INPP4A: variants seen among roughly 807,000 people sequenced by gnomAD.
INPP4A encodes inositol polyphosphate-4-phosphatase, type I, 107kD.
INPP4A carries 33 observed loss-of-function variants against 119.8 expected under a neutral mutation model. The ratio of observed to expected loss-of-function variants is 0.28; its 90% CI spans 0.21 to 0.37. INPP4A has a LOEUF of 0.37. INPP4A is among the 10% of genes least tolerant of loss of function. The pLI is 1.00. For missense variants in INPP4A, 956 were observed against 1,289.9 expected (o/e 0.74, Z 3.97); for synonymous variants, 496 against 500.7 (o/e 0.99, Z 0.12).
chr2:98,558,389 A>G (rs922721772), intron 16 of INPP4A, among the ~76,000 whole-genome samples: 9 of 152,206 alleles, frequency 5.9e-5, no homozygotes, highest in African/African-American at 9.6e-5. Context: ...CCACAGTTCT[A>G]TATCACTGTG....
intron 23 of INPP4A, among the ~76,000 whole-genome samples, chr2:98,573,971 G>T (rs557812713): frequency 6.6e-6 from 1 of 152,176 alleles, no homozygotes; most frequent in Non-Finnish European, 1.5e-5. Flanking sequence ...TGTGGGAAGC[G>T]TGGGGTGGAT....
chr2:98,564,602 CACCTGACCCTGA>C, intron 18 of INPP4A, 26 bp from the exon 19 acceptor site: 1 of 1,611,332 alleles, frequency 6.2e-7, no homozygotes, highest in African/African-American at 1.3e-5. Context: ...GGTGAGCAGG[CACCTGACCCTGA>C]ACCTCTTCAC....
chr2:98,555,933 A>G, intron 16 of INPP4A, 125 bp downstream of exon 16: 2 of 1,203,496 alleles, frequency 1.7e-6, no homozygotes, highest in Non-Finnish European at 2.3e-6. Flanking sequence ...TGCCAGGTGG[A>G]GCGGGGGCGT....
chr2:98,531,710 A>G (rs1689259343), intron 4 of INPP4A, among the ~76,000 whole-genome samples: 1 of 152,236 alleles, frequency 6.6e-6, no homozygotes. Context: ...CTTAGAGAAA[A>G]TGACTACTTA....
chr2:98,565,956 C>A, intron 20 of INPP4A, 73 bp from the exon 21 acceptor site: 4 of 1,537,220 alleles, frequency 2.6e-6, no homozygotes, highest in Non-Finnish European at 3.5e-6. Flanking sequence ...GCCAGAGGGC[C>A]AGCCTGGGCA....
chr2:98,448,693 T>G (rs1316995661), intron 1 of INPP4A, among the ~76,000 whole-genome samples: 4 of 147,110 alleles, frequency 2.7e-5, no homozygotes, highest in Non-Finnish European at 6.0e-5. Context: ...TAGTCTTCTT[T>G]TCTCTCTCTC....
intron 13 of INPP4A, among the ~76,000 whole-genome samples, chr2:98,547,521 G>A (rs993723456): frequency 6.6e-5 from 10 of 152,212 alleles, no homozygotes; most frequent in Non-Finnish European, 1.0e-4. Context: ...AACATCACCT[G>A]TGAAGATTTC....
rs1322266308 is a variant in INPP4A at position 98,554,364 on chromosome 2, G to C, written c.1441G>C (p.Ala481Pro). 1.2e-6 allele frequency: 2 copies of C among 1,613,636 alleles called. No individual in the cohort carries two copies. Among genetic ancestry groups the C allele is most frequent in the South Asian group, 1.1e-5 (1 of 90,942 alleles). Residue 481 changes from alanine (A) to proline (P), a missense_variant, in exon 15 of 25, where the codon GCC (alanine) becomes CCC (proline). Ala to Pro is a conservative substitution (Grantham distance 27). This residue lies in a region of INPP4A where 652 missense variants were observed against 797.9 expected (regional missense o/e 0.82). Transcript: ENST00000409851. This position sits in a 1 kb window ranked among gnomAD's most constrained non-coding sequence, Gnocchi z 4.7. ...ACGGCCTGACTACATTGCCTCCAAG[G>C]CCTCTCCCACTTCGACTGAGGAGGA... Reference protein sequence around the residue: ...AARPDYIASKASPTSTEEEQV... With the variant: ...AARPDYIASKPSPTSTEEEQV...
At chr2:98,550,834 TGGGCAGAGGGTATGTATTTGTTGAA>T (rs1040762218) in intron 13 of INPP4A, among the ~76,000 whole-genome samples, 1 of 152,160 alleles carries the variant, frequency 6.6e-6, no homozygotes, top group Non-Finnish European at 1.5e-5. Context: ...TCTCTTGGCC[TGGGCAGAGGGTATGTATTTGTTGAA>T]GGGTACACAG....
chr2:98,551,333 G>A (rs1487577788), intron 13 of INPP4A, among the ~76,000 whole-genome samples: 1 of 152,196 alleles, frequency 6.6e-6, no homozygotes, highest in Non-Finnish European at 1.5e-5. Flanking sequence ...TTGGAAGAGT[G>A]ATTGCAGATT....
chr2:98,514,223 G>A (rs1685672150), intron 1 of INPP4A, among the ~76,000 whole-genome samples: 1 of 152,208 alleles, frequency 6.6e-6, no homozygotes, highest in Non-Finnish European at 1.5e-5. Context: ...AATATTGGGA[G>A]TAGGGGAGGC....
At chr2:98,561,707 A>T (rs1014034098) in intron 17 of INPP4A, among the ~76,000 whole-genome samples, 4 of 152,342 alleles carry the variant, frequency 2.6e-5, no homozygotes, top group Non-Finnish European at 4.4e-5. Context: ...TATTTTGATC[A>T]TTTTCAGATT....
chr2:98,573,706 A>G (rs1287942992), intron 23 of INPP4A, among the ~76,000 whole-genome samples: 1 of 152,072 alleles, frequency 6.6e-6, no homozygotes, highest in Non-Finnish European at 1.5e-5. Context: ...CTTGTCAGGA[A>G]GGTGCTTCTC....
At chr2:98,510,402 G>T (rs2105527965) in intron 1 of INPP4A, among the ~76,000 whole-genome samples, 1 of 152,310 alleles carries the variant, frequency 6.6e-6, no homozygotes, top group Non-Finnish European at 1.5e-5. Context: ...TTGTTTACAG[G>T]GATATCCATG....
At chr2:98,500,751 G>T (rs1215373398) in intron 1 of INPP4A, among the ~76,000 whole-genome samples, 2 of 152,202 alleles carry the variant, frequency 1.3e-5, no homozygotes, top group African/African-American at 4.8e-5. Context: ...TGGTGGTAGA[G>T]GAACCTAATC....
intron 1 of INPP4A, among the ~76,000 whole-genome samples, chr2:98,480,812 C>T (rs1678268368): frequency 6.6e-6 from 1 of 152,236 alleles, no homozygotes; most frequent in Non-Finnish European, 1.5e-5. Context: ...GTCTTCTTGC[C>T]AGCTGCAGCC....
intron 1 of INPP4A, among the ~76,000 whole-genome samples, chr2:98,454,628 A>G (rs1328477408): frequency 2.6e-5 from 4 of 151,792 alleles, no homozygotes; most frequent in African/African-American, 7.3e-5. Context: ...TATTTTTCAC[A>G]TGTGCTCAAA....
intron 16 of INPP4A, 69 bp from the exon 17 acceptor site, chr2:98,559,394 G>A (rs564584871): frequency 1.9e-6 from 3 of 1,572,656 alleles, no homozygotes; most frequent in African/African-American, 1.3e-5. Context: ...GCTGCTCTGA[G>A]ATTGAGTTGC....
At chr2:98,524,545 CT>C (rs1687834950) in intron 4 of INPP4A, among the ~76,000 whole-genome samples, 1 of 152,132 alleles carries the variant, frequency 6.6e-6, no homozygotes, top group Non-Finnish European at 1.5e-5. Context: ...TAATCTCAGT[CT>C]TCCCAGCCTT....
Sources: allele counts gnomAD v4.1 joint callset (sites outside exome capture counted in the v4.1 genomes callset), GRCh38; gene constraint gnomAD v4.1.1; regional missense constraint gnomAD v4.1.1; non-coding constraint Gnocchi (gnomAD v3.1); transcripts MANE v1.5; gene names NCBI Gene and HGNC (gene_info 2026-07-23, HGNC 2026-07-21).